Variants in WIPI1 observed in about 807,000 individuals in gnomAD.
WIPI1 encodes WD repeat domain phosphoinositide-interacting protein 1.
Under a neutral mutation model 55.3 loss-of-function variants are expected in WIPI1, and 45 were observed. The ratio of observed to expected loss-of-function variants is 0.81; its 90% CI spans 0.64 to 1.04. WIPI1 has a LOEUF of 1.04. Ranked by LOEUF, WIPI1 falls within the 50% of genes least tolerant of loss-of-function variation. The probability of loss-of-function intolerance (pLI) is 0.00; values close to 1 mark genes in which losing one functional copy is unlikely to be tolerated. For synonymous variants in WIPI1, 195 were observed against 217.6 expected (o/e 0.90, Z 0.92); for missense variants, 445 against 559.0 (o/e 0.80, Z 2.06).
chr17:68,432,217 G>A (rs765424141), intron 8 of WIPI1, among the ~76,000 whole-genome samples: 1 of 152,146 alleles, frequency 6.6e-6, no homozygotes, highest in Non-Finnish European at 1.5e-5. Flanking sequence ...CACTGGGGGT[G>A]GGGGGAGACA....
chr17:68,434,744 C>A, intron 6 of WIPI1, 118 bp from the exon 7 acceptor site: 1 of 970,142 alleles, frequency 1.0e-6, no homozygotes, highest in Non-Finnish European at 1.5e-6. Flanking sequence ...AGGAAGAACA[C>A]CACGTTGAGC....
At chr17:68,430,292 G>T in intron 8 of WIPI1, 132 bp from the exon 9 acceptor site, 2 of 856,138 alleles carry the variant, frequency 2.3e-6, no homozygotes, top group Non-Finnish European at 1.8e-6. Flanking sequence ...ATAATGTTCT[G>T]CCCACTGAGA....
In WIPI1 at chr17:68,436,341, A is replaced by C. The variant is rs569510546; in HGVS notation, c.528+41T>G. The C allele has an allele frequency of 1.5e-5, 23 of 1,581,922 alleles. No individual in the cohort carries two copies. In the East Asian group the frequency reaches 4.7e-4, roughly 32 times the overall value. ...TATCTCCTTCCATGACCACACAGCCAAGGCAGGTGGGTTGGCTCAGCCAGG... is the reference window on the plus strand; with the variant it reads ...TATCTCCTTCCATGACCACACAGCCCAGGCAGGTGGGTTGGCTCAGCCAGG... On this transcript the variant is annotated intron_variant, in intron 5 of 12. Coordinates refer to ENST00000262139, the MANE Select transcript of WIPI1 (RefSeq NM_017983.7).
At chr17:68,449,940 G>A (rs1195668952) in intron 3 of WIPI1, among the ~76,000 whole-genome samples, 1 of 152,198 alleles carries the variant, frequency 6.6e-6, no homozygotes, top group Non-Finnish European at 1.5e-5. Flanking sequence ...GAGCCTGGGA[G>A]ATGGAGGCTG....
intron 12 of WIPI1, 195 bp downstream of exon 12, chr17:68,425,880 G>A (rs542296031): frequency 1.8e-6 from 1 of 553,006 alleles, no homozygotes; most frequent in Non-Finnish European, 3.2e-6. Context: ...GGTTTAGCTC[G>A]ACACCTAAAG....
intron 1 of WIPI1, among the ~76,000 whole-genome samples, chr17:68,454,817 C>T (rs2084605523): frequency 6.6e-6 from 1 of 152,080 alleles, no homozygotes; most frequent in African/African-American, 2.4e-5. Context: ...AAAGTGACAG[C>T]AATTTAAAGT....
At chr17:68,450,971 G>A in intron 2 of WIPI1, 74 bp from the exon 3 acceptor site, 5 of 1,531,448 alleles carry the variant, frequency 3.3e-6, no homozygotes, top group Non-Finnish European at 4.4e-6. Flanking sequence ...CATGACACTG[G>A]GCCCGGCGCA....
chr17:68,436,495 CAG>C lies in WIPI1; in HGVS notation c.431-18_431-17del. 1.2e-6 allele frequency: 2 copies of C among 1,611,596 alleles called. No homozygotes were observed. Among genetic ancestry groups the C allele is most frequent in the East Asian group, 4.5e-5 (2 of 44,854 alleles). Reference sequence around the variant, plus strand: ...GCACATAGACCTGGCAAAGAAGAAACAGAACATGAGAAGCCTGGGGCCAAGGG... The same window carrying C: ...GCACATAGACCTGGCAAAGAAGAAACAACATGAGAAGCCTGGGGCCAAGGG... On this transcript the variant is annotated splice_polypyrimidine_tract_variant and intron_variant, in intron 4 of 12. Transcript: ENST00000262139.
chr17:68,421,875 A>T (rs2082801163), intron 12 of WIPI1, 55 bp from the exon 13 acceptor site: 1 of 1,610,660 alleles, frequency 6.2e-7, no homozygotes, highest in Admixed American at 1.7e-5. Flanking sequence ...GCTGGTAGGC[A>T]GGTGCATTAT....
At chr17:68,453,521 C>T (rs529259572) in intron 1 of WIPI1, among the ~76,000 whole-genome samples, 3 of 150,632 alleles carry the variant, frequency 2.0e-5, no homozygotes, top group South Asian at 2.1e-4. Flanking sequence ...CTCTGTCACC[C>T]GGGCTGGAGT....
chr17:68,421,743 G>A lies in WIPI1; in HGVS notation c.*30C>T. On this transcript the variant is annotated 3_prime_UTR_variant, in exon 13 of 13. Coordinates refer to ENST00000262139, the MANE Select transcript of WIPI1 (RefSeq NM_017983.7). ...TTCTCCAAAACCACCTGATAGGGGGGATGTCCTGATTTCTGAGGTGTGCTT... is the reference window on the plus strand; with the variant it reads ...TTCTCCAAAACCACCTGATAGGGGGAATGTCCTGATTTCTGAGGTGTGCTT... 6.2e-7 allele frequency: 1 copy of A among 1,614,082 alleles called. No homozygotes were observed. Among genetic ancestry groups the A allele is most frequent in the Non-Finnish European group, 8.5e-7 (1 of 1,179,998 alleles).
Position 68,426,252 on chromosome 17 carries a change from G to GGGGGGGGGT in WIPI1, c.1193-78_1193-77insACCCCCCCC. ...CCATGACCTGGCGGGTGGGGAGCGGGGGCTCAAATAAAGGGCAAAGGAAGC... is the reference window on the plus strand; with the variant it reads ...CCATGACCTGGCGGGTGGGGAGCGGGGGGGGGGGTGGCTCAAATAAAGGGCAAAGGAAGC... On this transcript the variant is annotated intron_variant, in intron 11 of 12. Transcript: ENST00000262139. The GGGGGGGGGT allele has an allele frequency of 7.2e-6, 6 of 828,184 alleles. 1 individual carries two copies. Among genetic ancestry groups the GGGGGGGGGT allele is most frequent in the South Asian group, 2.7e-5 (2 of 75,384 alleles). The allele number at this position is 828,184 out of a possible 1,614,324, so 51.3% of individuals were successfully genotyped here.
At position 68,435,727 on chromosome 17, in the gene WIPI1, G is replaced by A. The variant is rs758103438; in HGVS notation, c.529-15C>T. On this transcript the variant is annotated splice_polypyrimidine_tract_variant and intron_variant, in intron 5 of 12. Coordinates refer to ENST00000262139, the MANE Select transcript of WIPI1 (RefSeq NM_017983.7). ...CAGACTGTTTTCTGTTGGTGAAAAG[G>A]AAAAATGGATACAGATGCTGCGGAG... The A allele has an allele frequency of 1.2e-6, 2 of 1,612,750 alleles. No homozygotes were observed. The highest frequency in any genetic ancestry group is 2.2e-5 in the South Asian group (2 of 91,070).
intron 12 of WIPI1, among the ~76,000 whole-genome samples, chr17:68,424,291 G>A (rs375520837): frequency 5.3e-5 from 8 of 152,218 alleles, no homozygotes; most frequent in African/African-American, 1.2e-4. Context: ...CTCACGCTGC[G>A]ACCGACCCGC....
At chr17:68,428,230 T>G (rs1336185813) in intron 10 of WIPI1, 1 of 146,386 alleles carries the variant, frequency 6.8e-6, no homozygotes, top group Non-Finnish European at 1.5e-5. Flanking sequence ...GGGAATAGGT[T>G]TTTTTTTTTT....
chr17:68,446,637 A>C (rs2084295601), intron 3 of WIPI1, among the ~76,000 whole-genome samples: 1 of 152,250 alleles, frequency 6.6e-6, no homozygotes, highest in African/African-American at 2.4e-5. Context: ...TTGCCAGCAC[A>C]TGCCGTGGTT....
At chr17:68,452,762 T>C (rs2084543643) in intron 2 of WIPI1, 148 bp downstream of exon 2, 2 of 625,122 alleles carry the variant, frequency 3.2e-6, no homozygotes, top group African/African-American at 1.8e-5. Flanking sequence ...GTGGCAACGA[T>C]TTATATTTAA....
At chr17:68,429,529 G>A (rs114481349) in intron 9 of WIPI1, among the ~76,000 whole-genome samples, 4,894 of 152,190 alleles carry the variant, frequency 0.032, 262 homozygotes, top group African/African-American at 0.11. Flanking sequence ...CTGAGAATCC[G>A]TATTGAAGTC....
intron 12 of WIPI1, among the ~76,000 whole-genome samples, chr17:68,425,684 A>G (rs1000167453): frequency 3.9e-5 from 6 of 152,286 alleles, no homozygotes; most frequent in African/African-American, 1.4e-4. Context: ...AGCACAAGGA[A>G]GGCAGCATTC....
Sources: gnomAD v4.1 joint callset for allele counts (sites outside exome capture counted in the v4.1 genomes callset) on GRCh38, gnomAD v4.1.1 for gene constraint, MANE v1.5 for transcripts, NCBI Gene and HGNC (gene_info 2026-07-23, HGNC 2026-07-21) for gene names.